The following ZNF280D variants were observed in gnomAD, a reference collection of about 807,000 sequenced individuals.
ZNF280D encodes the protein zinc finger protein 280D.
Under a neutral mutation model 94.7 loss-of-function variants are expected in ZNF280D, and 39 were observed. The observed-to-expected ratio is 0.41, with a 90% CI of 0.32 to 0.54. The LOEUF (loss-of-function observed/expected upper bound fraction) is 0.54, where lower values mean the gene tolerates loss of function less well. Ranked by LOEUF, ZNF280D falls within the 20% of genes least tolerant of loss-of-function variation. ZNF280D has a pLI of 0.22. For synonymous variants in ZNF280D, 398 were observed against 377.6 expected, an observed-to-expected ratio of 1.05 and a Z score of -0.63; for missense variants, 1,090 against 1,149.3, an observed-to-expected ratio of 0.95 and a Z score of 0.75.
intron 9 of ZNF280D, among the ~76,000 whole-genome samples, chr15:56,685,620 G>A (rs1199495290): frequency 6.6e-6 from 1 of 152,090 alleles, no homozygotes; most frequent in African/African-American, 2.4e-5. Context: ...AAGATGGGTG[G>A]GTTAAAAACA....
chr15:56,666,748 T>C lies in ZNF280D; in HGVS notation c.1784A>G (p.Gln595Arg), dbSNP rs1413693289. The change falls in exon 15 of 22, where the codon CAA becomes CGA. Residue 595 changes from glutamine (Q) to arginine (R), a missense_variant. Around this residue, in one of 3 missense-constraint regions of ZNF280D, gnomAD observed 577 missense variants for 568.8 expected, o/e 1.01. Transcript: ENST00000267807. ...SKYKPKISNMQKKQSTLASSN... is the reference protein window; with the variant it reads ...SKYKPKISNMRKKQSTLASSN... ...ACTAGCCAATGTGCTTTGTTTCTTT[T>C]GCATATTAGAGATTTTTGGTTTGTA... 1.9e-6 allele frequency: 3 copies of C among 1,613,474 alleles called. No individual in the cohort carries two copies. Among genetic ancestry groups the C allele is most frequent in the South Asian group, 1.1e-5 (1 of 91,054 alleles).
intron 17 of ZNF280D, 54 bp downstream of exon 17, chr15:56,658,370 T>C (rs1360642475): frequency 1.6e-5 from 22 of 1,375,156 alleles, no homozygotes; most frequent in Non-Finnish European, 2.2e-5. Flanking sequence ...TTAAAAAAAA[T>C]TTAAGTCATT....
chr15:56,698,236 G>A (rs1475869610), intron 6 of ZNF280D: 1 of 152,114 alleles, frequency 6.6e-6, no homozygotes, highest in African/African-American at 2.4e-5. Context: ...TACTAGTTAT[G>A]TGGAAAATAC....
chr15:56,694,057 G>A lies in ZNF280D; in HGVS notation c.382-842C>T, dbSNP rs562858170. 4.6e-5 allele frequency among the ~76,000 whole-genome samples: 7 copies of A among 152,042 alleles called. No individual in the cohort carries two copies. The East Asian group carries it at 7.7e-4, about 17-fold the overall frequency. On this transcript the variant is annotated intron_variant, in intron 6 of 21. Transcript: ENST00000267807. ...CAGCTGTCCTGCTCCTGGAGGCCTC[G>A]GGACTCAAAGGAAGTTTTAGCCCTT... is the stretch of plus-strand genomic sequence containing the variant.
At chr15:56,692,320 G>T (rs2056468637) in intron 7 of ZNF280D, among the ~76,000 whole-genome samples, 1 of 151,904 alleles carries the variant, frequency 6.6e-6, no homozygotes, top group Non-Finnish European at 1.5e-5. Flanking sequence ...CTGGGAGAGG[G>T]TTTGGTAAAT....
At chr15:56,723,089 G>C (rs1348651502) in intron 1 of ZNF280D, among the ~76,000 whole-genome samples, 1 of 120,508 alleles carries the variant, frequency 8.3e-6, no homozygotes, top group Non-Finnish European at 1.6e-5. Flanking sequence ...GGGGTGGGGG[G>C]AGGGGGGAGG....
chr15:56,671,399 C>T (rs1238643043), intron 13 of ZNF280D, among the ~76,000 whole-genome samples: 1 of 152,140 alleles, frequency 6.6e-6, no homozygotes, highest in Non-Finnish European at 1.5e-5. Flanking sequence ...CTATGGCCAG[C>T]CAGTTTCCCA....
At chr15:56,653,365 G>A (rs1304813232) in intron 19 of ZNF280D, 5 of 1,261,902 alleles carry the variant, frequency 4.0e-6, no homozygotes, top group East Asian at 3.1e-5. Context: ...TCAATTTGGT[G>A]GGCCTTAAAG....
intron 9 of ZNF280D, among the ~76,000 whole-genome samples, chr15:56,688,294 C>T (rs1380611184): frequency 1.3e-5 from 2 of 151,844 alleles, no homozygotes; most frequent in East Asian, 3.9e-4. Flanking sequence ...AGATCGAGAC[C>T]ATCCTGGCTA....
Position 56,700,097 on chromosome 15 carries a change from G to A in ZNF280D, c.381+836C>T, listed in dbSNP as rs192337643. 5.0e-6 allele frequency: 3 copies of A among 595,172 alleles called. No individual in the cohort carries two copies. In the Admixed American group the frequency reaches 1.9e-4, roughly 38 times the overall value. 36.9% of individuals were successfully genotyped at this position (595,172 alleles called of 1,614,324 possible). A position where few individuals can be genotyped will look rare whatever the true frequency, so the allele number is the denominator to read the frequency against. On this transcript the variant is annotated intron_variant, in intron 6 of 21. Transcript: ENST00000267807. Reference sequence around the variant, plus strand: ...CTGTTGACCCTCAAACCTCTGAAAGGGTCTTGGGGAACCCCAGGGGATTGC... The same window carrying A: ...CTGTTGACCCTCAAACCTCTGAAAGAGTCTTGGGGAACCCCAGGGGATTGC...
At chr15:56,694,758 G>A (rs1175123473) in intron 6 of ZNF280D, among the ~76,000 whole-genome samples, 1 of 152,050 alleles carries the variant, frequency 6.6e-6, no homozygotes, top group Non-Finnish European at 1.5e-5. Context: ...AGAAGTAACT[G>A]CAAGTATCCT....
intron 9 of ZNF280D, among the ~76,000 whole-genome samples, chr15:56,683,665 G>A (rs2055796907): frequency 6.6e-6 from 1 of 152,054 alleles, no homozygotes; most frequent in Non-Finnish European, 1.5e-5. Flanking sequence ...AATTTAGGTG[G>A]GTTTTTCAGA....
intron 1 of ZNF280D, among the ~76,000 whole-genome samples, chr15:56,716,553 T>C (rs928256806): frequency 1.4e-5 from 2 of 139,190 alleles, no homozygotes; most frequent in Non-Finnish European, 3.1e-5. Flanking sequence ...AGATAAGACA[T>C]AGAGATAGAC....
Position 56,696,135 on chromosome 15 carries a change from A to G in ZNF280D, c.382-2920T>C, listed in dbSNP as rs2056733423. On this transcript the variant is annotated intron_variant, in intron 6 of 21. Coordinates refer to ENST00000267807, the MANE Select transcript of ZNF280D (RefSeq NM_017661.4). ...AATTTGAGGCCTAGTAGGCAGATGT[A>G]GGTATTTGGGCCTCAACATGTAGTA... 2.6e-5 allele frequency among the ~76,000 whole-genome samples: 4 copies of G among 152,330 alleles called. 1 individual carries two copies. In the South Asian group the frequency reaches 8.3e-4, roughly 32 times the overall value.
chr15:56,649,611 T>G (rs926719394), intron 19 of ZNF280D, among the ~76,000 whole-genome samples: 4 of 148,366 alleles, frequency 2.7e-5, no homozygotes, highest in Non-Finnish European at 4.5e-5. Flanking sequence ...ATCAGTTTGT[T>G]TTTTTTTTTT....
chr15:56,723,291 G>C (rs967928007), intron 1 of ZNF280D, among the ~76,000 whole-genome samples: 7 of 151,930 alleles, frequency 4.6e-5, no homozygotes, highest in Non-Finnish European at 1.0e-4. Context: ...ATACAATGTA[G>C]CATTATTTAG....
chr15:56,686,556 T>C (rs1182574682), intron 9 of ZNF280D, among the ~76,000 whole-genome samples: 3 of 152,226 alleles, frequency 2.0e-5, no homozygotes, highest in Non-Finnish European at 4.4e-5. Flanking sequence ...GACTGAAATG[T>C]GGTGTTTCCC....
At chr15:56,727,217 C>G (rs1353938985) in intron 1 of ZNF280D, among the ~76,000 whole-genome samples, 4 of 103,420 alleles carry the variant, frequency 3.9e-5, no homozygotes, top group African/African-American at 4.1e-5. Flanking sequence ...TGCCTGTAAT[C>G]CCAGCACTTT....
chr15:56,721,642 C>A (rs1480161478), intron 1 of ZNF280D, among the ~76,000 whole-genome samples: 1 of 152,176 alleles, frequency 6.6e-6, no homozygotes, highest in Non-Finnish European at 1.5e-5. Context: ...TCTCTGTTAG[C>A]TTCAAGCTTT....
Sources: gnomAD v4.1 joint callset for allele counts (sites outside exome capture counted in the v4.1 genomes callset) on GRCh38, gnomAD v4.1.1 for gene constraint, gnomAD v4.1.1 regional missense constraint, MANE v1.5 for transcripts, NCBI Gene and HGNC (gene_info 2026-07-23, HGNC 2026-07-21) for gene names.